The following CDKL4 variants were observed in gnomAD, a reference collection of about 807,000 sequenced individuals.
CDKL4 encodes cyclin dependent kinase like 4.
A neutral mutation model predicts 42.0 loss-of-function variants in CDKL4; 44 were observed. The ratio of observed to expected loss-of-function variants is 1.05; its 90% CI spans 0.82 to 1.35. CDKL4 has a LOEUF of 1.35. Ranked by LOEUF, CDKL4 falls within the 40% of genes most tolerant of loss-of-function variation. The pLI, the probability that CDKL4 is intolerant of heterozygous loss-of-function variation, is 0.00. For synonymous variants in CDKL4, 120 were observed against 121.6 expected (o/e 0.99, Z 0.09); for missense variants, 393 against 369.9 (o/e 1.06, Z -0.51).
intron 3 of CDKL4, among the ~76,000 whole-genome samples, chr2:39,221,334 C>T (rs1008395442): frequency 3.3e-5 from 5 of 152,008 alleles, no homozygotes; most frequent in Non-Finnish European, 7.4e-5. Context: ...ATCTTATGCC[C>T]ACACACCAGT....
chr2:39,236,123 TA>T (rs1351730684), intron 1 of CDKL4, among the ~76,000 whole-genome samples: 1 of 57,346 alleles, frequency 1.7e-5, no homozygotes, highest in South Asian at 4.6e-4. Context: ...AAAATGAAAA[TA>T]AAAAAAAGAA....
chr2:39,205,759 C>CAAAAAAA (rs1167041058), intron 4 of CDKL4, among the ~76,000 whole-genome samples: 15 of 78,584 alleles, frequency 1.9e-4, no homozygotes, highest in African/African-American at 3.3e-4. Context: ...GACTCCGTCT[C>CAAAAAAA]AAAAAAAAAA....
downstream of CDKL4, among the ~76,000 whole-genome samples, chr2:39,171,751 A>G (rs1675005066): frequency 6.6e-6 from 1 of 152,220 alleles, no homozygotes; most frequent in Non-Finnish European, 1.5e-5. Context: ...GTGTGTGTGG[A>G]AAGTCTGAGG....
At chr2:39,177,863 A>G (rs1675233888) in intron 9 of CDKL4, among the ~76,000 whole-genome samples, 2 of 151,166 alleles carry the variant, frequency 1.3e-5, no homozygotes, top group African/African-American at 4.9e-5. Context: ...TAATTTTTGT[A>G]TTTTTAGAAG....
At position 39,210,788 on chromosome 2, in the gene CDKL4, A is replaced by G. The variant is rs191593160; in HGVS notation, c.363+2612T>C. 2.8e-4 allele frequency among the ~76,000 whole-genome samples: 43 copies of G among 152,360 alleles called. No individual in the cohort carries two copies. In the East Asian group the frequency reaches 7.7e-3, roughly 27 times the overall value. On this transcript the variant is annotated intron_variant, in intron 4 of 9. Coordinates refer to ENST00000451199, the Ensembl canonical transcript of CDKL4. ...AGAGATAAGGATTCCATTTGGCATCATCTTTATTAAGCATCAGAAAGCACA... is the reference window on the plus strand; with the variant it reads ...AGAGATAAGGATTCCATTTGGCATCGTCTTTATTAAGCATCAGAAAGCACA...
intron 9 of CDKL4, chr2:39,178,708 G>C: frequency 6.2e-7 from 1 of 1,609,246 alleles, no homozygotes. Flanking sequence ...CTTTGTACCT[G>C]GCAGATCTTG....
upstream of CDKL4, among the ~76,000 whole-genome samples, chr2:39,244,426 G>T (rs1363621444): frequency 6.6e-6 from 1 of 152,260 alleles, no homozygotes; most frequent in Non-Finnish European, 1.5e-5. Flanking sequence ...CGGGCCAGCG[G>T]CTGCAGAAGG....
chr2:39,177,060 A>C (rs1380755070), intron 9 of CDKL4, among the ~76,000 whole-genome samples: 1 of 152,084 alleles, frequency 6.6e-6, no homozygotes, highest in African/African-American at 2.4e-5. Flanking sequence ...TTTACAGAGG[A>C]TGGAGAACAT....
intron 1 of CDKL4, among the ~76,000 whole-genome samples, chr2:39,233,634 A>T (rs1679204294): frequency 6.6e-6 from 1 of 152,140 alleles, no homozygotes; most frequent in African/African-American, 2.4e-5. Flanking sequence ...CTGCCCAAGA[A>T]ATGAAACAAG....
At chr2:39,188,560 CAAAAAAAAAAAAAA>C (rs34568815) in intron 6 of CDKL4, among the ~76,000 whole-genome samples, 60 of 45,264 alleles carry the variant, frequency 1.3e-3, no homozygotes, top group Admixed American at 4.0e-3. Context: ...CAGTCCGTCT[CAAAAAAAAAAAAAA>C]AAAAAAAAAA....
chr2:39,187,129 G>A (rs1675872089), intron 7 of CDKL4, among the ~76,000 whole-genome samples: 1 of 151,974 alleles, frequency 6.6e-6, no homozygotes, highest in Admixed American at 6.6e-5. Flanking sequence ...GAGATCTGAT[G>A]GTTTTAAAAG....
intron 4 of CDKL4, among the ~76,000 whole-genome samples, chr2:39,208,906 C>A (rs1199755590): frequency 6.6e-6 from 1 of 151,934 alleles, no homozygotes; most frequent in Non-Finnish European, 1.5e-5. Context: ...GATGCTCACA[C>A]ATCGAGGAGA....
intron 1 of CDKL4, among the ~76,000 whole-genome samples, chr2:39,232,345 C>G (rs1233977800): frequency 6.6e-6 from 1 of 152,154 alleles, no homozygotes; most frequent in Non-Finnish European, 1.5e-5. Context: ...GAATTTACAG[C>G]TCTAATTCCA....
intron 5 of CDKL4, among the ~76,000 whole-genome samples, chr2:39,195,811 A>T (rs1249675079): frequency 6.6e-6 from 1 of 151,752 alleles, no homozygotes; most frequent in Non-Finnish European, 1.5e-5. Flanking sequence ...GCCCTGCCTT[A>T]TATATCTTCT....
chr2:39,194,776 T>C (rs1482242903), intron 5 of CDKL4, among the ~76,000 whole-genome samples: 1 of 152,196 alleles, frequency 6.6e-6, no homozygotes, highest in Non-Finnish European at 1.5e-5. Flanking sequence ...TATATATCTA[T>C]ATATAGGAGG....
At chr2:39,221,833 C>T (rs1213541198) in intron 3 of CDKL4, among the ~76,000 whole-genome samples, 1 of 152,222 alleles carries the variant, frequency 6.6e-6, no homozygotes, top group Admixed American at 6.5e-5. Flanking sequence ...AGCCCAAATG[C>T]TGCCTTCTCT....
chr2:39,198,443 A>T (rs546572603), intron 5 of CDKL4, among the ~76,000 whole-genome samples: 55 of 152,292 alleles, frequency 3.6e-4, no homozygotes, highest in Non-Finnish European at 7.4e-4. Context: ...CAAGACAGAA[A>T]GTCAACAAAG....
chr2:39,190,441 A>T (rs1043108222), exon 6 of CDKL4: 1 of 1,613,904 alleles, frequency 6.2e-7, no homozygotes, highest in Non-Finnish European at 8.5e-7. Flanking sequence ...TATCTCCCAC[A>T]AGAAGTTCAG....
chr2:39,220,976 CTTTTTTTT>C lies in CDKL4; in HGVS notation c.290+4855_290+4862del, dbSNP rs1157655136. On this transcript the variant is annotated intron_variant, in intron 3 of 9. Transcript: ENST00000451199. ...AATCCGCATTCACTACATCGACGAT[CTTTTTTTT>C]TTTTTTTTTTTTTTTTGTTTTTTTT... is the stretch of plus-strand genomic sequence containing the variant. 5.9e-3 allele frequency among the ~76,000 whole-genome samples: 291 copies of C among 49,158 alleles called. 2 individuals are homozygous for C. Among genetic ancestry groups the C allele is most frequent in the Non-Finnish European group, 9.2e-3 (249 of 27,186 alleles). The allele number at this position is 49,158 out of a possible 152,430, so 32.2% of individuals were successfully genotyped here.
Sources: gnomAD v4.1 joint callset for allele counts (sites outside exome capture counted in the v4.1 genomes callset) on GRCh38, gnomAD v4.1.1 for gene constraint, MANE v1.5 for transcripts, NCBI Gene and HGNC (gene_info 2026-07-23, HGNC 2026-07-21) for gene names.